ETV6: variants seen among roughly 807,000 people sequenced by gnomAD.
The protein encoded by ETV6 is ETS variant transcription factor 6.
A neutral mutation model predicts 51.1 loss-of-function variants in ETV6; 16 were observed. That is an observed-to-expected ratio of 0.31 (90% CI 0.21 to 0.48). The LOEUF (loss-of-function observed/expected upper bound fraction) is 0.48, where lower values mean the gene tolerates loss of function less well. Among genes scored for constraint, ETV6 ranks in the 20% least tolerant of loss-of-function variants. The pLI is 0.99. For missense variants in ETV6, 458 were observed against 594.8 expected, an observed-to-expected ratio of 0.77 and a Z score of 2.39; for synonymous variants, 240 against 224.1, an observed-to-expected ratio of 1.07 and a Z score of -0.64.
intron 5 of ETV6, among the ~76,000 whole-genome samples, chr12:11,875,294 A>G (rs1946965910): frequency 6.6e-6 from 1 of 152,242 alleles, no homozygotes; most frequent in Non-Finnish European, 1.5e-5. Flanking sequence ...GTTTAGCACA[A>G]GACGGAGTGA....
intron 1 of ETV6, among the ~76,000 whole-genome samples, chr12:11,684,543 A>T (rs1864591423): frequency 6.6e-6 from 1 of 152,252 alleles, no homozygotes; most frequent in Non-Finnish European, 1.5e-5. Context: ...ATATGTACTC[A>T]TCACTCGGCT....
chr12:11,668,390 G>A (rs972649964), intron 1 of ETV6, among the ~76,000 whole-genome samples: 4 of 148,316 alleles, frequency 2.7e-5, no homozygotes, highest in African/African-American at 7.8e-5. Context: ...AAAGGACTTC[G>A]CACTGTTTTG....
At chr12:11,738,216 C>T (rs1865740957) in intron 1 of ETV6, among the ~76,000 whole-genome samples, 1 of 142,310 alleles carries the variant, frequency 7.0e-6, no homozygotes, top group Non-Finnish European at 1.6e-5. Context: ...TTCCTTCCTT[C>T]CTTCCTTCCC....
At position 11,869,809 on chromosome 12, in the gene ETV6, C is replaced by T; in HGVS notation, c.849C>T (p.His283=). 2.5e-6 allele frequency: 4 copies of T among 1,613,342 alleles called. No homozygotes were observed. The South Asian group carries it at 4.4e-5, about 18-fold the overall frequency. ...ACCCTCTGATCCTGAACCCCCGGCA[C>T]TCCGTGGATTTCAAACAGTCCAGGC... ...IMHPLILNPR[H]SVDFKQSRLS... Residue 283 remains histidine (H), a synonymous_variant, in exon 5 of 8, where the codon CAC becomes CAT. Transcript: ENST00000396373. This position sits in a 1 kb window ranked among gnomAD's most constrained non-coding sequence, Gnocchi z 5.0.
rs535374086 is a variant in ETV6, at chr12:11,870,067, A to G, written c.1009+98A>G. The G allele has an allele frequency of 1.7e-3, 2,404 of 1,387,410 alleles. 5 individuals are homozygous for G. The highest frequency in any genetic ancestry group is 2.1e-3 in the Non-Finnish European group (2,141 of 1,033,498). The allele number at this position is 1,387,410 out of a possible 1,614,324, so 85.9% of individuals were successfully genotyped here. ...TGCAGCCAGCCTCGCACCATTCCCAATTAGGCGCCCTCCAAGGCTCTCTGA... is the reference window on the plus strand; with the variant it reads ...TGCAGCCAGCCTCGCACCATTCCCAGTTAGGCGCCCTCCAAGGCTCTCTGA... On this transcript the variant is annotated intron_variant, in intron 5 of 7. Transcript: ENST00000396373.
chr12:11,864,010 C>T (rs1946756080), intron 4 of ETV6, among the ~76,000 whole-genome samples: 1 of 152,206 alleles, frequency 6.6e-6, no homozygotes, highest in African/African-American at 2.4e-5. Flanking sequence ...TGAGTGATAT[C>T]TGTGGAGAAA....
chr12:11,836,350 T>A (rs1388017414), intron 2 of ETV6, among the ~76,000 whole-genome samples: 1 of 152,134 alleles, frequency 6.6e-6, no homozygotes, highest in Non-Finnish European at 1.5e-5. Flanking sequence ...CGCTGATAAA[T>A]GTATTGAGTG....
chr12:11,873,488 TA>T (rs1946917365), intron 5 of ETV6, among the ~76,000 whole-genome samples: 1 of 44,634 alleles, frequency 2.2e-5, no homozygotes, highest in Admixed American at 3.0e-4. Context: ...AAGCAGCTGT[TA>T]GATGAGAAAA....
chr12:11,893,278 G>C lies in ETV6; in HGVS notation c.*2232G>C. On this transcript the variant is annotated 3_prime_UTR_variant, in exon 8 of 8. Transcript: ENST00000396373. ...TGTATGAATATGAAATCAGAGACCAGGGCATGATGTTGCTAGGATTAGAGC... is the reference window on the plus strand; with the variant it reads ...TGTATGAATATGAAATCAGAGACCACGGCATGATGTTGCTAGGATTAGAGC... 8.6e-6 allele frequency: 2 copies of C among 232,714 alleles called. No homozygotes were observed. Among genetic ancestry groups the C allele is most frequent in the Non-Finnish European group, 1.7e-5 (2 of 117,760 alleles). 14.4% of individuals were successfully genotyped at this position (232,714 alleles called of 1,614,324 possible).
intron 1 of ETV6, among the ~76,000 whole-genome samples, chr12:11,729,064 T>C (rs150580518): frequency 8.7e-4 from 133 of 152,372 alleles, no homozygotes; most frequent in African/African-American, 2.8e-3. Context: ...CTCTGTGACA[T>C]ACTGAACTGA....
intron 2 of ETV6, among the ~76,000 whole-genome samples, chr12:11,781,098 A>C (rs78003102): frequency 1.2e-3 from 185 of 152,354 alleles, no homozygotes; most frequent in African/African-American, 4.3e-3. Context: ...CTGCTTTAAG[A>C]AAAACATGAG....
intron 2 of ETV6, among the ~76,000 whole-genome samples, chr12:11,798,139 T>C (rs1280071668): frequency 6.6e-6 from 1 of 152,248 alleles, no homozygotes; most frequent in Admixed American, 6.5e-5. Flanking sequence ...AAGGAACTTG[T>C]AATTCGTTGG....
chr12:11,699,842 G>A (rs1028116860), intron 1 of ETV6, among the ~76,000 whole-genome samples: 3 of 152,194 alleles, frequency 2.0e-5, no homozygotes, highest in Non-Finnish European at 4.4e-5. Flanking sequence ...TAGGGAGGAT[G>A]CAAAGGTGCA....
chr12:11,747,709 A>T (rs1297599031), intron 1 of ETV6, among the ~76,000 whole-genome samples: 1 of 152,182 alleles, frequency 6.6e-6, no homozygotes, highest in Non-Finnish European at 1.5e-5. Flanking sequence ...TCAAGAGTGT[A>T]TTACTTTAGG....
At chr12:11,672,474 C>A (rs1004751190) in intron 1 of ETV6, among the ~76,000 whole-genome samples, 1 of 152,132 alleles carries the variant, frequency 6.6e-6, no homozygotes, top group African/African-American at 2.4e-5. Context: ...CTTGCCAGCC[C>A]CCCTCCTAAC....
At chr12:11,814,868 A>G (rs1829695969) in intron 2 of ETV6, among the ~76,000 whole-genome samples, 1 of 152,180 alleles carries the variant, frequency 6.6e-6, no homozygotes, top group Non-Finnish European at 1.5e-5. Flanking sequence ...TCTGCCTTGC[A>G]TCCAGCCCTT....
chr12:11,669,296 A>G (rs942446091), intron 1 of ETV6, among the ~76,000 whole-genome samples: 3 of 151,594 alleles, frequency 2.0e-5, no homozygotes, highest in African/African-American at 7.3e-5. Context: ...AGGAGGGGGA[A>G]GGAACATGGA....
At chr12:11,863,179 CTGTT>C (rs1488968637) in intron 4 of ETV6, among the ~76,000 whole-genome samples, 1 of 152,070 alleles carries the variant, frequency 6.6e-6, no homozygotes, top group Non-Finnish European at 1.5e-5. Context: ...AGTTTTTTGT[CTGTT>C]TGTTTAGGTT....
chr12:11,775,523 C>T (rs1298738972), intron 2 of ETV6, among the ~76,000 whole-genome samples: 1 of 152,072 alleles, frequency 6.6e-6, no homozygotes, highest in Non-Finnish European at 1.5e-5. Context: ...TGTGATCAAC[C>T]ACATAGCTGC....
Sources: gnomAD v4.1 joint callset for allele counts (sites outside exome capture counted in the v4.1 genomes callset) on GRCh38, gnomAD v4.1.1 for gene constraint, Gnocchi (gnomAD v3.1) non-coding constraint, MANE v1.5 for transcripts, NCBI Gene and HGNC (gene_info 2026-07-23, HGNC 2026-07-21) for gene names.